The following TOGARAM2 variants were observed in gnomAD, a reference collection of about 807,000 sequenced individuals.
TOGARAM2 encodes TOG array regulator of axonemal microtubules 2, also known as TOG array regulator of axonemal microtubules protein 2.
A neutral mutation model predicts 93.3 loss-of-function variants in TOGARAM2; 85 were observed. The ratio of observed to expected loss-of-function variants is 0.91; its 90% CI spans 0.76 to 1.09. The LOEUF (loss-of-function observed/expected upper bound fraction) is 1.09, where lower values mean the gene tolerates loss of function less well. Ranked by LOEUF, TOGARAM2 falls within the 50% of genes least tolerant of loss-of-function variation. The pLI, the probability that TOGARAM2 is intolerant of heterozygous loss-of-function variation, is 0.00. For missense variants in TOGARAM2, 1,277 were observed against 1,334.5 expected, an observed-to-expected ratio of 0.96 and a Z score of 0.67; for synonymous variants, 593 against 552.8, an observed-to-expected ratio of 1.07 and a Z score of -1.02.
chr2:29,017,695 G>A (rs1664669850), intron 9 of TOGARAM2, 97 bp from the exon 10 acceptor site: 3 of 1,245,206 alleles, frequency 2.4e-6, no homozygotes, highest in East Asian at 2.8e-5. Context: ...ACTGGCATGA[G>A]CTACTTTGGC....
At position 29,005,705 on chromosome 2, in the gene TOGARAM2, ATG is replaced by A. The variant is rs955457784; in HGVS notation, c.830+2028_830+2029del. 4.7e-5 allele frequency among the ~76,000 whole-genome samples: 6 copies of A among 128,296 alleles called. 1 individual carries two copies. Among genetic ancestry groups the A allele is most frequent in the African/African-American group, 1.2e-4 (4 of 32,894 alleles). The allele number at this position is 128,296 out of a possible 152,430, so 84.2% of individuals were successfully genotyped here. On this transcript the variant is annotated intron_variant, in intron 6 of 19. Transcript: ENST00000379558. The stretch of plus-strand genomic sequence containing the variant: ...GTGAGTGCATGTGTGGAGTGCGTGC[ATG>A]TGTGAGTGCATGTGTGCATGTGTGT...
Position 29,022,978 on chromosome 2 carries a change from G to T in TOGARAM2, c.1512-108G>T, listed in dbSNP as rs201782324. 4.6e-6 allele frequency: 4 copies of T among 868,386 alleles called. No homozygotes were observed. The Admixed American group carries it at 9.2e-5, about 20-fold the overall frequency. The allele number at this position is 868,386 out of a possible 1,614,324, so 53.8% of individuals were successfully genotyped here. A position where few individuals can be genotyped will look rare whatever the true frequency, so the allele number is the denominator to read the frequency against. On this transcript the variant is annotated intron_variant, in intron 11 of 19. Transcript: ENST00000379558. ...AGGCCATGGAATGGCACCCTGCTGC[G>T]GGTGACGGTGGACCGTGATGGTGTG...
At chr2:28,962,217 C>T (rs1046730498) in intron 1 of TOGARAM2, among the ~76,000 whole-genome samples, 6 of 151,378 alleles carry the variant, frequency 4.0e-5, no homozygotes, top group Admixed American at 3.3e-4. Flanking sequence ...GCTCTGTCAC[C>T]CAGGCTGGAG....
At chr2:28,958,844 C>T (rs1020596693) in intron 1 of TOGARAM2, among the ~76,000 whole-genome samples, 1 of 152,206 alleles carries the variant, frequency 6.6e-6, no homozygotes, top group Non-Finnish European at 1.5e-5. Flanking sequence ...TTATCCCAGC[C>T]TTCTGGGAGA....
In TOGARAM2 at chr2:29,017,853, C is replaced by G; in HGVS notation, c.1257C>G (p.Cys419Trp). 6.2e-7 allele frequency: 1 copy of G among 1,613,528 alleles called. No individual in the cohort carries two copies. The highest frequency in any genetic ancestry group is 8.5e-7 in the Non-Finnish European group (1 of 1,179,748). ...TGCCCACTAGGCTGAGCGGCCCATGCAGAAACGACGTCAGCATCATCCTGA... is the reference window on the plus strand; with the variant it reads ...TGCCCACTAGGCTGAGCGGCCCATGGAGAAACGACGTCAGCATCATCCTGA... ...LSVPTRLSGP[C>W]RNDVSIILRK... Residue 419 changes from cysteine to tryptophan, a missense_variant, in exon 10 of 20, where the codon TGC (cysteine) becomes TGG (tryptophan). Coordinates refer to ENST00000379558, the MANE Select transcript of TOGARAM2 (RefSeq NM_199280.4).
chr2:29,016,836 G>C (rs1484707728), intron 8 of TOGARAM2, among the ~76,000 whole-genome samples: 1 of 152,214 alleles, frequency 6.6e-6, no homozygotes, highest in Non-Finnish European at 1.5e-5. Context: ...CTAGAAATCT[G>C]TGGGGCTGGT....
At chr2:28,971,503 C>T (rs1456582325) in intron 1 of TOGARAM2, among the ~76,000 whole-genome samples, 4 of 152,104 alleles carry the variant, frequency 2.6e-5, no homozygotes, top group East Asian at 1.9e-4. Flanking sequence ...TGGGTCACCA[C>T]GACCAGCCGG....
At chr2:29,005,398 G>T (rs1356882759) in intron 6 of TOGARAM2, among the ~76,000 whole-genome samples, 1 of 72,716 alleles carries the variant, frequency 1.4e-5, no homozygotes. Flanking sequence ...GCATGTATGT[G>T]GAGTGTGTGT....
At chr2:29,012,140 G>A (rs1396483874) in intron 7 of TOGARAM2, among the ~76,000 whole-genome samples, 2 of 152,188 alleles carry the variant, frequency 1.3e-5, no homozygotes, top group African/African-American at 4.8e-5. Context: ...ACTCTATGGG[G>A]AGGTGGGACG....
At position 28,989,310 on chromosome 2, in the gene TOGARAM2, C is replaced by T. The variant is rs181996062; in HGVS notation, c.-110-5415C>T. On this transcript the variant is annotated intron_variant, in intron 1 of 19. Transcript: ENST00000379558. ...AAGTGATCTGCCCACCTTGGCCTCC[C>T]AAAGTGCTGGGATTACAGGTGTAAG... is the stretch of plus-strand genomic sequence containing the variant. 2.4e-3 allele frequency among the ~76,000 whole-genome samples: 358 copies of T among 152,202 alleles called. 3 individuals carry two copies. The highest frequency in any genetic ancestry group is 8.2e-3 in the African/African-American group (340 of 41,508).
chr2:28,991,143 T>G (rs2148259449), intron 1 of TOGARAM2, among the ~76,000 whole-genome samples: 1 of 152,110 alleles, frequency 6.6e-6, no homozygotes, highest in East Asian at 1.9e-4. Context: ...CTTCATTTAT[T>G]CCTAACAAAA....
intron 19 of TOGARAM2, chr2:29,050,008 G>C (rs531001096): frequency 1.3e-5 from 2 of 152,262 alleles, no homozygotes; most frequent in East Asian, 1.9e-4. Context: ...CTAAGGGGAA[G>C]GTATCCTAGG....
chr2:28,957,520 G>A (rs948632602), intron 1 of TOGARAM2, among the ~76,000 whole-genome samples: 1 of 152,172 alleles, frequency 6.6e-6, no homozygotes, highest in African/African-American at 2.4e-5. Flanking sequence ...ACATTAAAAT[G>A]TACCTTTCTC....
At chr2:29,032,457 G>A (rs1381325024) in intron 14 of TOGARAM2, among the ~76,000 whole-genome samples, 1 of 152,206 alleles carries the variant, frequency 6.6e-6, no homozygotes. Flanking sequence ...TCATCAGGTA[G>A]ATTGACTACA....
chr2:29,000,916 T>G (rs191380283), intron 4 of TOGARAM2, among the ~76,000 whole-genome samples: 23 of 152,244 alleles, frequency 1.5e-4, no homozygotes, highest in African/African-American at 5.3e-4. Flanking sequence ...ACTCTCTCCC[T>G]TAGGGGCTTG....
At chr2:28,977,560 C>T (rs1672055964), upstream of TOGARAM2, among the ~76,000 whole-genome samples, 1 of 152,154 alleles carries the variant, frequency 6.6e-6, no homozygotes, top group Non-Finnish European at 1.5e-5. Flanking sequence ...GTGAATGTTG[C>T]AGGGGCGGGG....
intron 18 of TOGARAM2, among the ~76,000 whole-genome samples, chr2:29,037,636 C>T (rs941919255): frequency 9.2e-5 from 14 of 152,140 alleles, no homozygotes; most frequent in African/African-American, 3.4e-4. Context: ...CTGGGACAGG[C>T]ACCGTGTCCT....
At chr2:29,029,217 C>T (rs886891996) in intron 14 of TOGARAM2, among the ~76,000 whole-genome samples, 1 of 151,760 alleles carries the variant, frequency 6.6e-6, no homozygotes, top group African/African-American at 2.4e-5. Flanking sequence ...CATCATCAAT[C>T]AACGAGTGGC....
chr2:28,998,118 T>A (rs1319924061), intron 2 of TOGARAM2, 25 bp from the exon 3 acceptor site: 1 of 1,529,264 alleles, frequency 6.5e-7, no homozygotes, highest in East Asian at 2.4e-5. Flanking sequence ...TCTCAGGTGC[T>A]GCTCTCCTGT....
Sources: allele counts gnomAD v4.1 joint callset (sites outside exome capture counted in the v4.1 genomes callset), GRCh38; gene constraint gnomAD v4.1.1; transcripts MANE v1.5; gene names NCBI Gene and HGNC (gene_info 2026-07-23, HGNC 2026-07-21).